Variants in TRIO observed in about 807,000 individuals in gnomAD.
TRIO encodes triple functional domain protein.
A neutral mutation model predicts 351.9 loss-of-function variants in TRIO; 58 were observed. The observed-to-expected ratio is 0.16, with a 90% CI of 0.13 to 0.21. The LOEUF is 0.21. Among genes scored for constraint, TRIO ranks in the 10% least tolerant of loss-of-function variants. The pLI is 1.00. For synonymous variants in TRIO, 1,758 were observed against 1,595.7 expected (o/e 1.10, Z -2.42); for missense variants, 3,201 against 4,027.8 (o/e 0.79, Z 5.56).
chr5:14,316,361 G>C (rs775724742), intron 8 of TRIO, 152 bp from the exon 9 acceptor site: 24 of 733,234 alleles, frequency 3.3e-5, no homozygotes, highest in Non-Finnish European at 5.4e-5. Flanking sequence ...TAAAACTGTG[G>C]TGTGTGAATG....
At chr5:14,303,024 G>T (rs1738037538) in intron 7 of TRIO, among the ~76,000 whole-genome samples, 1 of 151,856 alleles carries the variant, frequency 6.6e-6, no homozygotes, top group Non-Finnish European at 1.5e-5. Context: ...AGCCAGGGTT[G>T]GGATGGCTGC....
chr5:14,429,638 A>G (rs923837142), intron 34 of TRIO, among the ~76,000 whole-genome samples: 5 of 152,220 alleles, frequency 3.3e-5, no homozygotes, highest in Non-Finnish European at 7.4e-5. Context: ...TTTTTTCTAA[A>G]TAAGAGAAAG....
chr5:14,490,549 A>T (rs767948312), intron 48 of TRIO, among the ~76,000 whole-genome samples: 35 of 152,234 alleles, frequency 2.3e-4, no homozygotes, highest in Non-Finnish European at 4.4e-4. Context: ...TTTATTGAGC[A>T]GCAATAAAAG....
Position 14,316,057 on chromosome 5 carries a change from AC to A in TRIO, c.1501-455del, listed in dbSNP as rs1739356390. On this transcript the variant is annotated intron_variant, in intron 8 of 56. Coordinates refer to ENST00000344204, the MANE Select transcript of TRIO (RefSeq NM_007118.4). ...TTTGTTTTAACTGAGGCTTTAAGGA[AC>A]AATTTTGTTCCATTGTGATGATCTG... is the stretch of plus-strand genomic sequence containing the variant. Among the ~76,000 whole-genome samples the A allele has an allele frequency of 2.0e-5, 3 of 152,356 alleles. No homozygotes were observed. In the South Asian group the frequency reaches 6.2e-4, roughly 32 times the overall value.
At chr5:14,436,242 A>G (rs1170052733) in intron 34 of TRIO, among the ~76,000 whole-genome samples, 1 of 152,210 alleles carries the variant, frequency 6.6e-6, no homozygotes, top group African/African-American at 2.4e-5. Flanking sequence ...CATGGATGGC[A>G]GCAGGCAAAG....
chr5:14,426,240 G>GCA (rs1750630758), intron 34 of TRIO, among the ~76,000 whole-genome samples: 1 of 151,790 alleles, frequency 6.6e-6, no homozygotes, highest in South Asian at 2.1e-4. Flanking sequence ...ACACACATGT[G>GCA]CACACACACG....
chr5:14,291,969 A>G (rs966958848), intron 5 of TRIO, among the ~76,000 whole-genome samples: 6 of 152,170 alleles, frequency 3.9e-5, no homozygotes, highest in African/African-American at 9.7e-5. Flanking sequence ...ATTCTTATGC[A>G]CCAGGCAGAC....
At chr5:14,207,073 A>G (rs1791501840) in intron 1 of TRIO, among the ~76,000 whole-genome samples, 1 of 152,204 alleles carries the variant, frequency 6.6e-6, no homozygotes, top group African/African-American at 2.4e-5. Flanking sequence ...AGTATGAACA[A>G]CATAAGAAAA....
intron 34 of TRIO, among the ~76,000 whole-genome samples, chr5:14,437,411 G>A (rs561611514): frequency 1.3e-5 from 2 of 152,254 alleles, no homozygotes; most frequent in African/African-American, 4.8e-5. Context: ...TGGTTTCTGC[G>A]TATTTATATT....
At position 14,369,411 on chromosome 5, in the gene TRIO, A is replaced by G. The variant is rs372172691; in HGVS notation, c.3104A>G (p.Lys1035Arg). ...CTCGAGAGCCTGGAACAGGAGTACA[A>G]GAGAGAAGAAGACTGGTGTGGCGGG... ...SVLESLEQEYKREEDWCGGAD... is the reference protein window; with the variant it reads ...SVLESLEQEYRREEDWCGGAD... Residue 1035 changes from lysine to arginine, a missense_variant, in exon 18 of 57, where the codon AAG becomes AGG. Lys to Arg is a conservative substitution (Grantham distance 26). Transcript: ENST00000344204. 3.7e-6 allele frequency: 6 copies of G among 1,614,044 alleles called. No individual in the cohort carries two copies. In the African/African-American group the frequency reaches 8.0e-5, roughly 22 times the overall value.
Position 14,264,429 on chromosome 5 carries a change from G to A in TRIO, c.158-6396G>A, listed in dbSNP as rs772337301. The stretch of plus-strand genomic sequence containing the variant: ...ATTGTAATGCTGTATTATGAAACCC[G>A]TCCATATTCTTGTGTGGTCTTGTCT... On this transcript the variant is annotated intron_variant, in intron 1 of 56. Transcript: ENST00000344204. 8.6e-5 allele frequency among the ~76,000 whole-genome samples: 13 copies of A among 151,984 alleles called. No homozygotes were observed. The East Asian group carries it at 1.2e-3, about 14-fold the overall frequency.
At chr5:14,285,597 G>A (rs1446804593) in intron 3 of TRIO, among the ~76,000 whole-genome samples, 1 of 151,934 alleles carries the variant, frequency 6.6e-6, no homozygotes, top group Non-Finnish European at 1.5e-5. Context: ...GCATGAAATT[G>A]GTTTTAATTT....
At chr5:14,227,143 T>G (rs1265172989) in intron 1 of TRIO, among the ~76,000 whole-genome samples, 1 of 152,236 alleles carries the variant, frequency 6.6e-6, no homozygotes, top group Non-Finnish European at 1.5e-5. Flanking sequence ...CAGGTTTGTC[T>G]TGTTCCGCAC....
intron 13 of TRIO, 112 bp downstream of exon 13, chr5:14,359,643 C>T (rs1743957050): frequency 7.8e-7 from 1 of 1,275,512 alleles, no homozygotes; most frequent in Non-Finnish European, 1.1e-6. Flanking sequence ...TCACCCACAC[C>T]CCAACCCTCT....
chr5:14,440,370 T>C (rs963827693), intron 34 of TRIO, among the ~76,000 whole-genome samples: 1 of 152,162 alleles, frequency 6.6e-6, no homozygotes, highest in Non-Finnish European at 1.5e-5. Flanking sequence ...CCACAGAAGC[T>C]GGAAGTCAGA....
intron 9 of TRIO, among the ~76,000 whole-genome samples, chr5:14,328,510 C>G (rs937354707): frequency 1.3e-5 from 2 of 152,186 alleles, no homozygotes; most frequent in Admixed American, 1.3e-4. Flanking sequence ...ATAATGCGCT[C>G]AATACGCCAG....
chr5:14,388,708 C>CT, intron 24 of TRIO, 29 bp downstream of exon 24: 1 of 745,446 alleles, frequency 1.3e-6, no homozygotes, highest in Non-Finnish European at 1.9e-6. Flanking sequence ...TTTTTTTTTG[C>CT]TTGTTTATTT....
Position 14,189,711 on chromosome 5 carries a change from G to C in TRIO, c.157+45829G>C, listed in dbSNP as rs1268711062. Among the ~76,000 whole-genome samples, 5 of 151,576 alleles carry C rather than the reference G, an allele frequency of 3.3e-5. 1 individual carries two copies. Among genetic ancestry groups the C allele is most frequent in the Admixed American group, 3.3e-4 (5 of 15,226 alleles). ...CTGAGAGCTGAGGAGCTGCTGTTCTGAATGTCTTCGTTTTAACTTTTTTTT... is the reference window on the plus strand; with the variant it reads ...CTGAGAGCTGAGGAGCTGCTGTTCTCAATGTCTTCGTTTTAACTTTTTTTT... On this transcript the variant is annotated intron_variant, in intron 1 of 56. Coordinates refer to ENST00000344204, the MANE Select transcript of TRIO (RefSeq NM_007118.4).
intron 1 of TRIO, among the ~76,000 whole-genome samples, chr5:14,263,925 C>G (rs936454761): frequency 1.3e-5 from 2 of 152,204 alleles, no homozygotes; most frequent in African/African-American, 4.8e-5. Context: ...GTGCATAGCT[C>G]TGTGCTTGTC....
Sources: gnomAD v4.1 joint callset for allele counts (sites outside exome capture counted in the v4.1 genomes callset) on GRCh38, gnomAD v4.1.1 for gene constraint, MANE v1.5 for transcripts, NCBI Gene and HGNC (gene_info 2026-07-23, HGNC 2026-07-21) for gene names.